NAE1: variants seen among roughly 807,000 people sequenced by gnomAD.
NAE1 encodes the protein NEDD8-activating enzyme E1 regulatory subunit.
Under a neutral mutation model 88.0 loss-of-function variants are expected in NAE1, and 59 were observed. The observed-to-expected ratio is 0.67, with a 90% CI of 0.54 to 0.83. The LOEUF (loss-of-function observed/expected upper bound fraction) is 0.83. Ranked by LOEUF, NAE1 falls within the 40% of genes least tolerant of loss-of-function variation. The probability of loss-of-function intolerance (pLI) is 0.00; values close to 1 mark genes in which losing one functional copy is unlikely to be tolerated. For synonymous variants in NAE1, 186 were observed against 208.9 expected, an observed-to-expected ratio of 0.89 and a Z score of 0.95; for missense variants, 554 against 632.8, an observed-to-expected ratio of 0.88 and a Z score of 1.34.
intron 13 of NAE1, among the ~76,000 whole-genome samples, chr16:66,811,695 TC>T (rs1385064455): frequency 1.3e-5 from 2 of 152,192 alleles, no homozygotes; most frequent in Non-Finnish European, 2.9e-5. Flanking sequence ...AGCCACTGCA[TC>T]CGGCCATAAA....
In NAE1 at chr16:66,812,350, G is replaced by A. The variant is rs148358548; in HGVS notation, c.1034+1214C>T. ...AGGTCGTTGTGAACCTTGTGTGTGT[G>A]TTAAATTACTTAATACATATAGTTC... is the stretch of plus-strand genomic sequence containing the variant. On this transcript the variant is annotated intron_variant, in intron 13 of 19. Coordinates refer to ENST00000290810, the MANE Select transcript of NAE1 (RefSeq NM_003905.4). Among the ~76,000 whole-genome samples, 500 of 152,116 alleles carry A rather than the reference G, an allele frequency of 3.3e-3. 8 individuals are homozygous for A. The highest frequency in any genetic ancestry group is 0.012 in the African/African-American group (490 of 41,496).
intron 13 of NAE1, among the ~76,000 whole-genome samples, chr16:66,811,277 C>T (rs1293689247): frequency 6.6e-6 from 1 of 152,170 alleles, no homozygotes; most frequent in Non-Finnish European, 1.5e-5. Context: ...CCCACCTCAG[C>T]TTCCCAAGTA....
chr16:66,811,042 A>G (rs560978758), intron 13 of NAE1, among the ~76,000 whole-genome samples: 25 of 152,326 alleles, frequency 1.6e-4, no homozygotes, highest in South Asian at 1.0e-3. Context: ...GGGATCTATG[A>G]TTTCGGCTTC....
chr16:66,815,825 C>T (rs1379266377), intron 11 of NAE1, among the ~76,000 whole-genome samples: 2 of 151,844 alleles, frequency 1.3e-5, no homozygotes, highest in African/African-American at 4.8e-5. Flanking sequence ...CCATGCCCAG[C>T]TAATTTTTTG....
chr16:66,813,566 G>T lies in NAE1; in HGVS notation c.1032C>A (p.Asn344Lys), dbSNP rs749057967. The change falls in exon 13 of 20, where the codon AAC becomes AAA. Residue 344 changes from asparagine (N) to lysine (K), a missense_variant and splice_region_variant. Asn to Lys is a moderately conservative substitution (Grantham distance 94). Coordinates refer to ENST00000290810, the MANE Select transcript of NAE1 (RefSeq NM_003905.4). ...ADSGKYIKLQ[N>K]VYREKAKKDA... ...ATAGTTTGAAAACAGTGACATACAC[G>T]TTTTGCAGTTTTATATATTTGCCTG... The T allele has an allele frequency of 6.8e-6, 11 of 1,608,764 alleles. No homozygotes were observed. The East Asian group carries it at 2.5e-4, about 36-fold the overall frequency.
intron 11 of NAE1, among the ~76,000 whole-genome samples, chr16:66,816,077 G>C (rs963869010): frequency 6.6e-6 from 1 of 152,150 alleles, no homozygotes; most frequent in African/African-American, 2.4e-5. Context: ...GCTGTTTTAA[G>C]TTACAAGAAA....
chr16:66,825,213 C>A (rs944199943), intron 3 of NAE1, among the ~76,000 whole-genome samples: 1 of 151,954 alleles, frequency 6.6e-6, no homozygotes, highest in Admixed American at 6.6e-5. Flanking sequence ...TTTGGGAGGC[C>A]GAGGTGGGCG....
intron 7 of NAE1, among the ~76,000 whole-genome samples, chr16:66,820,180 A>G (rs1464142232): frequency 1.3e-5 from 2 of 152,238 alleles, no homozygotes; most frequent in Non-Finnish European, 2.9e-5. Context: ...ACCAATGCCA[A>G]TGGCTATCAC....
intron 13 of NAE1, among the ~76,000 whole-genome samples, chr16:66,811,159 A>C (rs1449068321): frequency 6.6e-6 from 1 of 152,146 alleles, no homozygotes; most frequent in South Asian, 2.1e-4. Context: ...CTCCAATGTA[A>C]AACTTCTTTG....
In NAE1 at chr16:66,810,342, C is replaced by G. The variant is rs369583983; in HGVS notation, c.1150+32G>C. 3.5e-5 allele frequency: 54 copies of G among 1,546,482 alleles called. 1 individual carries two copies. The Middle Eastern group carries it at 1.2e-3, about 34-fold the overall frequency. On this transcript the variant is annotated intron_variant, in intron 15 of 19. Coordinates refer to ENST00000290810, the MANE Select transcript of NAE1 (RefSeq NM_003905.4). ...TTCCCTGTGGCACATTTCTATCAAG[C>G]AAAATAAGGAAATTAATTCAAGGGG...
At chr16:66,827,807 T>C in intron 1 of NAE1, 1 of 597,322 alleles carries the variant, frequency 1.7e-6, no homozygotes, top group Non-Finnish European at 3.0e-6. Flanking sequence ...TACCCCTTAT[T>C]ATGTAGTCAG....
At chr16:66,827,889 T>C (rs1169899240) in intron 1 of NAE1, 2 of 1,117,612 alleles carry the variant, frequency 1.8e-6, no homozygotes, top group Admixed American at 2.1e-5. Context: ...TCTTACTATG[T>C]TATCCAGACT....
At chr16:66,823,369 T>A in intron 5 of NAE1, 63 bp from the exon 6 acceptor site, 1 of 1,403,164 alleles carries the variant, frequency 7.1e-7, no homozygotes, top group Non-Finnish European at 9.9e-7. Context: ...ATATTAAACA[T>A]GGCAGAGACA....
At chr16:66,806,272 G>C (rs1162179319) in intron 17 of NAE1, 4 of 339,620 alleles carry the variant, frequency 1.2e-5, no homozygotes, top group Non-Finnish European at 2.1e-5. Context: ...GTCTAGAAAA[G>C]CATCTGGCAC....
chr16:66,808,634 A>T, intron 16 of NAE1, 21 bp from the exon 17 acceptor site: 1 of 1,546,404 alleles, frequency 6.5e-7, no homozygotes, highest in Non-Finnish European at 8.9e-7. Flanking sequence ...AAAAAATTTC[A>T]GTTTAATTTG....
chr16:66,812,300 G>A (rs185622586), intron 13 of NAE1, among the ~76,000 whole-genome samples: 15 of 151,914 alleles, frequency 9.9e-5, no homozygotes, highest in East Asian at 1.9e-4. Flanking sequence ...AAATGGGGCC[G>A]GTAACAGTCT....
Position 66,830,940 on chromosome 16 carries a change from A to G in NAE1, c.-41T>C, listed in dbSNP as rs542850098. 1 of 1,492,650 alleles carries G rather than the reference A, an allele frequency of 6.7e-7. No homozygotes were observed. The highest frequency in any genetic ancestry group is 1.5e-5 in the African/African-American group (1 of 68,512). The allele number at this position is 1,492,650 out of a possible 1,614,324, so 92.5% of individuals were successfully genotyped here. On this transcript the variant is annotated 5_prime_UTR_variant, in exon 1 of 20. Transcript: ENST00000290810. ...GCGGAAAACAGCCGAGCCCCTGCGG[A>G]GCGCCGCCACCAGCTCCACAAGCGC...
At chr16:66,822,433 C>T (rs955668459) in intron 6 of NAE1, among the ~76,000 whole-genome samples, 2 of 151,796 alleles carry the variant, frequency 1.3e-5, no homozygotes, top group East Asian at 2.0e-4. Flanking sequence ...TAGCCGGGCA[C>T]GGTGGCACAT....
At chr16:66,820,826 G>A (rs1052839400) in intron 7 of NAE1, among the ~76,000 whole-genome samples, 1 of 151,598 alleles carries the variant, frequency 6.6e-6, no homozygotes, top group African/African-American at 2.4e-5. Flanking sequence ...GCGTGAACCC[G>A]GGAGGTGGAG....
Sources: gnomAD v4.1 joint callset for allele counts (sites outside exome capture counted in the v4.1 genomes callset) on GRCh38, gnomAD v4.1.1 for gene constraint, MANE v1.5 for transcripts, NCBI Gene and HGNC (gene_info 2026-07-23, HGNC 2026-07-21) for gene names.